HHIP: variants seen among roughly 807,000 people sequenced by gnomAD.
HHIP encodes the protein hedgehog interacting protein, also known as hedgehog-interacting protein.
A neutral mutation model predicts 74.0 loss-of-function variants in HHIP; 12 were observed. The ratio of observed to expected loss-of-function variants is 0.16; its 90% CI spans 0.10 to 0.26. The LOEUF (loss-of-function observed/expected upper bound fraction) is 0.26. Ranked by LOEUF, HHIP falls within the 10% of genes least tolerant of loss-of-function variation. HHIP has a pLI of 1.00. For synonymous variants in HHIP, 309 were observed against 311.6 expected (o/e 0.99, Z 0.09); for missense variants, 788 against 845.0 (o/e 0.93, Z 0.84).
At chr4:144,724,955 T>C (rs773770515) in intron 11 of HHIP, among the ~76,000 whole-genome samples, 75 of 151,932 alleles carry the variant, frequency 4.9e-4, no homozygotes, top group Non-Finnish European at 8.5e-4. Context: ...GAATATATTC[T>C]TCAAAGTGAG....
rs944616718 is a variant in HHIP at position 144,743,192 on chromosome 4, A to T, written c.*5235A>T. 1.1e-4 allele frequency: 16 copies of T among 150,724 alleles called. No homozygotes were observed. Among genetic ancestry groups the T allele is most frequent in the Non-Finnish European group, 2.1e-4 (14 of 67,722 alleles). 9.3% of individuals were successfully genotyped at this position (150,724 alleles called of 1,614,324 possible). On this transcript the variant is annotated 3_prime_UTR_variant, in exon 13 of 13. Coordinates refer to ENST00000296575, the MANE Select transcript of HHIP (RefSeq NM_022475.3). The stretch of plus-strand genomic sequence containing the variant: ...TAGGAGAGTAATATATATTCATGGG[A>T]TTGTGAGGGAGCATTGTAGAGCTGT...
Position 144,738,631 on chromosome 4 carries a change from G to C in HHIP, c.*674G>C, listed in dbSNP as rs200378219. 67 of 689,170 alleles carry C rather than the reference G, an allele frequency of 9.7e-5. No homozygotes were observed. Among genetic ancestry groups the C allele is most frequent in the Non-Finnish European group, 1.2e-4 (67 of 559,810 alleles). 42.7% of individuals were successfully genotyped at this position (689,170 alleles called of 1,614,324 possible). On this transcript the variant is annotated 3_prime_UTR_variant, in exon 13 of 13. Coordinates refer to ENST00000296575, the MANE Select transcript of HHIP (RefSeq NM_022475.3). ...TATTTTAAAATCAATCTTCCTAAAA[G>C]GTCTGCTTTTATTGTATATTTTATT...
chr4:144,702,174 A>G (rs539087394), intron 4 of HHIP, among the ~76,000 whole-genome samples: 1 of 152,256 alleles, frequency 6.6e-6, no homozygotes, highest in East Asian at 1.9e-4. Flanking sequence ...GAAAAAAATA[A>G]TACTTTCTGT....
chr4:144,647,373 C>T (rs74822946), intron 1 of HHIP: 3,583 of 164,900 alleles, frequency 0.022, 61 homozygotes, highest in Non-Finnish European at 0.035. Context: ...TCCACGTGCT[C>T]GGTTAGGGAG....
Position 144,708,143 on chromosome 4 carries a change from C to T in HHIP, c.1158-25C>T, listed in dbSNP as rs199569479. 56 of 1,611,952 alleles carry T rather than the reference C, an allele frequency of 3.5e-5. No individual in the cohort carries two copies. In the South Asian group the frequency reaches 4.5e-4, roughly 13 times the overall value. ...AAATATATAATGAAAATGTAAAACA[C>T]ATACTCTGTCCCCCAATTTCTCAGT... On this transcript the variant is annotated intron_variant, in intron 6 of 12. Transcript: ENST00000296575.
At chr4:144,724,845 C>T (rs1343964487) in intron 11 of HHIP, among the ~76,000 whole-genome samples, 1 of 151,424 alleles carries the variant, frequency 6.6e-6, no homozygotes, top group Non-Finnish European at 1.5e-5. Flanking sequence ...ATATCATCTT[C>T]TTTAGTAATT....
At chr4:144,679,953 G>A (rs1325632366) in intron 4 of HHIP, among the ~76,000 whole-genome samples, 4 of 152,234 alleles carry the variant, frequency 2.6e-5, no homozygotes, top group African/African-American at 9.6e-5. Flanking sequence ...TCCTGACTCT[G>A]TTGGAGAATG....
rs1731320982 is a variant in HHIP at position 144,743,647 on chromosome 4, T to C, written c.*5690T>C. The C allele has an allele frequency of 6.6e-6, 1 of 152,064 alleles. No individual in the cohort carries two copies. Among genetic ancestry groups the C allele is most frequent in the African/African-American group, 2.4e-5 (1 of 41,452 alleles). 9.4% of individuals were successfully genotyped at this position (152,064 alleles called of 1,614,324 possible). A position where few individuals can be genotyped will look rare whatever the true frequency, so the allele number is the denominator to read the frequency against. ...ATGTGTGTATATATATACATATATA[T>C]GTAACTTAATATAAATGTTTGATGA... On this transcript the variant is annotated 3_prime_UTR_variant, in exon 13 of 13. Coordinates refer to ENST00000296575, the MANE Select transcript of HHIP (RefSeq NM_022475.3).
At chr4:144,695,552 T>C (rs769734772) in intron 4 of HHIP, among the ~76,000 whole-genome samples, 16 of 151,784 alleles carry the variant, frequency 1.1e-4, no homozygotes, top group Non-Finnish European at 2.4e-4. Context: ...GGAGGAAATA[T>C]TGTAATTTGC....
rs28465076 is a variant in HHIP, at chr4:144,743,002, T to G, written c.*5045T>G. 3.0e-3 allele frequency: 2 copies of G among 668 alleles called. No individual in the cohort carries two copies. The highest frequency in any genetic ancestry group is 4.9e-3 in the African/African-American group (2 of 406). The allele number at this position is 668 out of a possible 1,614,324, so 0.0% of individuals were successfully genotyped here. A position where few individuals can be genotyped will look rare whatever the true frequency, so the allele number is the denominator to read the frequency against. ...ATATATACATTATATATATATAATA[T>G]ATATATATTATATATATATAATATA... On this transcript the variant is annotated 3_prime_UTR_variant, in exon 13 of 13. Transcript: ENST00000296575.
intron 6 of HHIP, 143 bp from the exon 7 acceptor site, chr4:144,708,025 G>A: frequency 1.2e-6 from 1 of 826,770 alleles, no homozygotes; most frequent in South Asian, 1.7e-5. Flanking sequence ...TTACAGACGT[G>A]AGCCACTGCA....
At chr4:144,724,880 C>T (rs1185877841) in intron 11 of HHIP, among the ~76,000 whole-genome samples, 1 of 151,690 alleles carries the variant, frequency 6.6e-6, no homozygotes, top group African/African-American at 2.4e-5. Flanking sequence ...GAAAACTTGA[C>T]TGAATTGCCA....
intron 11 of HHIP, among the ~76,000 whole-genome samples, chr4:144,733,243 G>T (rs972865596): frequency 3.3e-5 from 5 of 152,082 alleles, no homozygotes; most frequent in African/African-American, 1.2e-4. Context: ...TGCCTGAAGG[G>T]CCTTTCACAT....
At position 144,659,358 on chromosome 4, in the gene HHIP, G is replaced by A. The variant is rs573307954; in HGVS notation, c.630-279G>A. ...AGTAAAACTAATTTTAATTATAGTCGCTGAAATATGAGAAAATGAGATTAT... is the reference window on the plus strand; with the variant it reads ...AGTAAAACTAATTTTAATTATAGTCACTGAAATATGAGAAAATGAGATTAT... On this transcript the variant is annotated intron_variant, in intron 3 of 12. Coordinates refer to ENST00000296575, the MANE Select transcript of HHIP (RefSeq NM_022475.3). Among the ~76,000 whole-genome samples, 14 of 152,190 alleles carry A rather than the reference G, an allele frequency of 9.2e-5. No homozygotes were observed. The South Asian group carries it at 1.5e-3, about 16-fold the overall frequency.
At chr4:144,717,211 G>GT (rs1560718147) in intron 10 of HHIP, among the ~76,000 whole-genome samples, 2 of 152,128 alleles carry the variant, frequency 1.3e-5, no homozygotes, top group South Asian at 2.1e-4. Context: ...AAGAAAATGA[G>GT]TAAGTTTTTG....
intron 4 of HHIP, among the ~76,000 whole-genome samples, chr4:144,673,264 A>G (rs1026764193): frequency 2.0e-5 from 3 of 152,188 alleles, no homozygotes; most frequent in Non-Finnish European, 4.4e-5. Flanking sequence ...ATTTTTTCCT[A>G]TTAAACATAA....
intron 12 of HHIP, among the ~76,000 whole-genome samples, chr4:144,737,349 C>T (rs1731148922): frequency 6.6e-6 from 1 of 152,174 alleles, no homozygotes; most frequent in South Asian, 2.1e-4. Context: ...GCTTGAGCCT[C>T]TGTGTCTCCC....
intron 4 of HHIP, among the ~76,000 whole-genome samples, chr4:144,677,357 C>T (rs1250578656): frequency 6.6e-6 from 1 of 152,208 alleles, no homozygotes; most frequent in African/African-American, 2.4e-5. Context: ...CATTTTTTCG[C>T]AGGCTTTCTC....
chr4:144,685,485 A>G (rs1729461708), intron 4 of HHIP: 1 of 152,262 alleles, frequency 6.6e-6, no homozygotes, highest in Non-Finnish European at 1.5e-5. Context: ...CAAATGACCA[A>G]AAACAAAAAC....
Sources: allele counts gnomAD v4.1 joint callset (sites outside exome capture counted in the v4.1 genomes callset), GRCh38; gene constraint gnomAD v4.1.1; transcripts MANE v1.5; gene names NCBI Gene and HGNC (gene_info 2026-07-23, HGNC 2026-07-21).